Variants in DNAH8 observed in about 807,000 individuals in gnomAD.
The protein encoded by DNAH8 is axonemal beta dynein heavy chain 8.
DNAH8 carries 382 observed loss-of-function variants against 562.1 expected under a neutral mutation model. That is an observed-to-expected ratio of 0.68 (90% CI 0.63 to 0.74). The LOEUF (loss-of-function observed/expected upper bound fraction) is 0.74. Among genes scored for constraint, DNAH8 ranks in the 30% least tolerant of loss-of-function variants. The pLI, the probability that DNAH8 is intolerant of heterozygous loss-of-function variation, is 0.00. For missense variants in DNAH8, 5,203 were observed against 5,620.4 expected, an observed-to-expected ratio of 0.93 and a Z score of 2.37; for synonymous variants, 1,881 against 1,919.4, an observed-to-expected ratio of 0.98 and a Z score of 0.52.
rs190018302 is a variant in DNAH8 at position 38,810,804 on chromosome 6, C to T, written c.3257+3088C>T. ...TAATTTATTAAAATCTCCAGGTTCT[C>T]ATGTAGTTTTTTGTATCCCATTGGT... On this transcript the variant is annotated intron_variant, in intron 24 of 92. Transcript: ENST00000327475. Among the ~76,000 whole-genome samples the T allele has an allele frequency of 3.9e-3, 590 of 152,148 alleles. 9 individuals carry two copies. Among genetic ancestry groups the T allele is most frequent in the African/African-American group, 0.014 (571 of 41,550 alleles).
intron 87 of DNAH8, among the ~76,000 whole-genome samples, chr6:38,987,085 G>A (rs1406706444): frequency 6.6e-6 from 1 of 152,194 alleles, no homozygotes; most frequent in Non-Finnish European, 1.5e-5. Context: ...GTACAGATCC[G>A]GAGGTCATGG....
intron 10 of DNAH8, among the ~76,000 whole-genome samples, chr6:38,756,648 C>A (rs1333976573): frequency 6.6e-6 from 1 of 151,514 alleles, no homozygotes; most frequent in South Asian, 2.1e-4. Flanking sequence ...TTAGGGATAT[C>A]TCCTAATGCT....
chr6:38,737,382 C>A, intron 6 of DNAH8, 126 bp downstream of exon 6: 2 of 508,284 alleles, frequency 3.9e-6, no homozygotes, highest in South Asian at 8.8e-5. Flanking sequence ...GACTTAGAGG[C>A]AAGAAATGAA....
chr6:38,918,434 G>A (rs1781470209), intron 70 of DNAH8, among the ~76,000 whole-genome samples: 1 of 152,168 alleles, frequency 6.6e-6, no homozygotes, highest in African/African-American at 2.4e-5. Flanking sequence ...CCATTTCTTT[G>A]AAGTTTGGAG....
chr6:38,858,225 C>T (rs1276832592), intron 42 of DNAH8, among the ~76,000 whole-genome samples: 1 of 152,144 alleles, frequency 6.6e-6, no homozygotes. Context: ...AGGCCAACTT[C>T]TCCTAAAGCA....
intron 18 of DNAH8, among the ~76,000 whole-genome samples, chr6:38,788,951 A>G (rs1178685162): frequency 6.6e-6 from 1 of 152,150 alleles, no homozygotes; most frequent in Non-Finnish European, 1.5e-5. Context: ...AAAAAACTGG[A>G]GTAACGTTGG....
At chr6:38,781,186 G>T in intron 15 of DNAH8, 68 bp from the exon 16 acceptor site, 3 of 1,495,042 alleles carry the variant, frequency 2.0e-6, no homozygotes, top group South Asian at 2.3e-5. Flanking sequence ...TACAAATATA[G>T]CTGTATATAT....
At chr6:38,982,720 C>T (rs752040602) in intron 86 of DNAH8, among the ~76,000 whole-genome samples, 2 of 152,214 alleles carry the variant, frequency 1.3e-5, no homozygotes, top group Non-Finnish European at 2.9e-5. Flanking sequence ...GACCACAGTG[C>T]ACTTCAAGAG....
intron 58 of DNAH8, among the ~76,000 whole-genome samples, chr6:38,891,700 G>C (rs1223664028): frequency 2.6e-5 from 4 of 152,236 alleles, no homozygotes; most frequent in African/African-American, 9.6e-5. Context: ...CTGAGCGTCT[G>C]AGATAGTTTT....
rs1761709438 is a variant in DNAH8 at position 38,949,500 on chromosome 6, C to T, written c.12178C>T (p.Pro4060Ser). 3 of 1,613,404 alleles carry T rather than the reference C, an allele frequency of 1.9e-6. No homozygotes were observed. The highest frequency in any genetic ancestry group is 2.5e-6 in the Non-Finnish European group (3 of 1,179,572). Residue 4060 changes from proline to serine, a missense_variant, in exon 81 of 93, where the codon CCA becomes TCA. Pro to Ser is a moderately conservative substitution (Grantham distance 74, BLOSUM62 -1). Around this residue, in one of 6 missense-constraint regions of DNAH8, gnomAD observed 1,399 missense variants for 1,518.4 expected, o/e 0.92. Coordinates refer to ENST00000327475, the MANE Select transcript of DNAH8 (RefSeq NM_001206927.2). Reference sequence around the variant, plus strand: ...GAAAAGCTGGTTTGATAAAGATGCTCCAGAGGAGGAAATTATCCCTGATGG... The same window carrying T: ...GAAAAGCTGGTTTGATAAAGATGCTTCAGAGGAGGAAATTATCCCTGATGG... ...GWKSWFDKDA[P>S]EEEIIPDGYN...
At chr6:38,865,565 A>T (rs1776967655) in intron 45 of DNAH8, among the ~76,000 whole-genome samples, 1 of 152,226 alleles carries the variant, frequency 6.6e-6, no homozygotes, top group South Asian at 2.1e-4. Flanking sequence ...AGGTCACCTT[A>T]TGAACCAAGA....
intron 82 of DNAH8, among the ~76,000 whole-genome samples, chr6:38,953,842 CT>C (rs76740008): frequency 8.3e-3 from 1,163 of 139,460 alleles, no homozygotes; most frequent in Admixed American, 0.012. Flanking sequence ...AATCCAATTA[CT>C]TTTTTTTTTT....
intron 65 of DNAH8, among the ~76,000 whole-genome samples, chr6:38,910,178 G>T (rs1332134520): frequency 6.6e-6 from 1 of 152,098 alleles, no homozygotes. Flanking sequence ...GCATTACTTA[G>T]TCTTACCAAT....
intron 44 of DNAH8, among the ~76,000 whole-genome samples, chr6:38,863,651 C>G (rs370808205): frequency 7.9e-5 from 12 of 152,318 alleles, no homozygotes; most frequent in African/African-American, 2.9e-4. Flanking sequence ...TTTGTACTTT[C>G]ATCTTAGCAG....
intron 21 of DNAH8, among the ~76,000 whole-genome samples, chr6:38,800,111 G>A (rs1381928063): frequency 6.8e-6 from 1 of 147,906 alleles, no homozygotes; most frequent in African/African-American, 2.5e-5. Context: ...TCCATTGTAT[G>A]GTTATGCCAC....
chr6:38,883,859 C>A lies in DNAH8; in HGVS notation c.8137-17C>A, dbSNP rs752090384. 4 of 1,531,600 alleles carry A rather than the reference C, an allele frequency of 2.6e-6. No individual in the cohort carries two copies. The highest frequency in any genetic ancestry group is 3.5e-6 in the Non-Finnish European group (4 of 1,137,876). The allele number at this position is 1,531,600 out of a possible 1,614,324, so 94.9% of individuals were successfully genotyped here. A position where few individuals can be genotyped will look rare whatever the true frequency, so the allele number is the denominator to read the frequency against. On this transcript the variant is annotated splice_polypyrimidine_tract_variant and intron_variant, in intron 55 of 92. Coordinates refer to ENST00000327475, the MANE Select transcript of DNAH8 (RefSeq NM_001206927.2). ...TTAAAATCTAATGCATAAGACAAAA[C>A]GTTTCCTTCTCTCTAGAGAACAATT...
At chr6:38,882,228 C>T (rs1244078818) in intron 53 of DNAH8, among the ~76,000 whole-genome samples, 2 of 152,090 alleles carry the variant, frequency 1.3e-5, no homozygotes, top group Non-Finnish European at 2.9e-5. Flanking sequence ...CTCAAAGGAA[C>T]GTATATCATT....
chr6:38,939,699 T>C (rs1305085856), intron 79 of DNAH8, among the ~76,000 whole-genome samples: 3 of 152,188 alleles, frequency 2.0e-5, no homozygotes, highest in Non-Finnish European at 4.4e-5. Flanking sequence ...TCTTAGAAAA[T>C]ATACCTTTGT....
chr6:38,894,751 A>G lies in DNAH8; in HGVS notation c.8634A>G (p.Arg2878=), dbSNP rs1457019230. The G allele has an allele frequency of 1.2e-6, 2 of 1,613,928 alleles. No individual in the cohort carries two copies. Among genetic ancestry groups the G allele is most frequent in the South Asian group, 2.2e-5 (2 of 91,076 alleles). ...AATTTCATTACATCTTCAATCTTCGAGATCTTTCCAGAATTTGGCAAGGAA... is the reference window on the plus strand; with the variant it reads ...AATTTCATTACATCTTCAATCTTCGGGATCTTTCCAGAATTTGGCAAGGAA... The part of the protein sequence containing the change: ...PSKFHYIFNL[R]DLSRIWQGML... Residue 2878 remains arginine (R), a synonymous_variant, in exon 59 of 93, where the codon CGA becomes CGG. Coordinates refer to ENST00000327475, the MANE Select transcript of DNAH8 (RefSeq NM_001206927.2).
Sources: allele counts gnomAD v4.1 joint callset (sites outside exome capture counted in the v4.1 genomes callset), GRCh38; gene constraint gnomAD v4.1.1; regional missense constraint gnomAD v4.1.1; transcripts MANE v1.5; gene names NCBI Gene and HGNC (gene_info 2026-07-23, HGNC 2026-07-21).